APBB2: variants seen among roughly 807,000 people sequenced by gnomAD.
APBB2 encodes the protein Fe65-like 1.
In APBB2, 38 loss-of-function variants were observed where a neutral mutation model predicts 82.5. That is an observed-to-expected ratio of 0.46 (90% CI 0.36 to 0.60). APBB2 has a LOEUF of 0.60. Among genes scored for constraint, APBB2 ranks in the 20% least tolerant of loss-of-function variants. The pLI, the probability that APBB2 is intolerant of heterozygous loss-of-function variation, is 0.00. For synonymous variants in APBB2, 341 were observed against 368.2 expected (o/e 0.93, Z 0.85); for missense variants, 772 against 972.3 (o/e 0.79, Z 2.74).
At chr4:41,013,189 TA>T in intron 6 of APBB2, among the ~76,000 whole-genome samples, 1 of 152,324 alleles carries the variant, frequency 6.6e-6, no homozygotes, top group Non-Finnish European at 1.5e-5. Flanking sequence ...TTAATTGGGT[TA>T]TATCCTTCCC....
intron 2 of APBB2, among the ~76,000 whole-genome samples, chr4:41,117,752 C>T (rs1054884330): frequency 4.6e-5 from 7 of 152,130 alleles, no homozygotes; most frequent in Non-Finnish European, 7.4e-5. Flanking sequence ...TCATTTGCAC[C>T]ATGGCTTGAT....
intron 5 of APBB2, among the ~76,000 whole-genome samples, chr4:41,016,401 C>T (rs1246766011): frequency 6.6e-6 from 1 of 152,202 alleles, no homozygotes; most frequent in African/African-American, 2.4e-5. Context: ...GTGGCTCACG[C>T]CTGTAATCCC....
intron 2 of APBB2, among the ~76,000 whole-genome samples, chr4:41,115,696 C>T (rs540989508): frequency 6.6e-6 from 1 of 152,214 alleles, no homozygotes; most frequent in Admixed American, 6.5e-5. Context: ...TTTATGCAGC[C>T]AACAAACATA....
rs977567202 is a variant in APBB2, at chr4:41,033,229, A to G, written c.19+7T>C. ...TCTGCATTGAAATATGAGAAAATGTATCTGACCTGGAAGTACTTCTGACAT... is the reference window on the plus strand; with the variant it reads ...TCTGCATTGAAATATGAGAAAATGTGTCTGACCTGGAAGTACTTCTGACAT... On this transcript the variant is annotated splice_region_variant and intron_variant, in intron 5 of 17. Coordinates refer to ENST00000508593, the MANE Select transcript of APBB2 (RefSeq NM_004307.2). 2 of 1,560,576 alleles carry G rather than the reference A, an allele frequency of 1.3e-6. No individual in the cohort carries two copies. Among genetic ancestry groups the G allele is most frequent in the Non-Finnish European group, 1.8e-6 (2 of 1,134,072 alleles).
At chr4:40,859,308 CAG>C (rs1181078769) in intron 12 of APBB2, among the ~76,000 whole-genome samples, 3 of 148,074 alleles carry the variant, frequency 2.0e-5, no homozygotes, top group Admixed American at 2.0e-4. Context: ...TTTTTTGAGA[CAG>C]TGTCTCACTA....
intron 4 of APBB2, among the ~76,000 whole-genome samples, chr4:41,057,026 C>CA (rs1385155913): frequency 6.6e-6 from 1 of 152,028 alleles, no homozygotes; most frequent in Non-Finnish European, 1.5e-5. Flanking sequence ...TCAACTTTCC[C>CA]AAAAATTGGA....
chr4:41,198,303 C>G, intron 1 of APBB2, among the ~76,000 whole-genome samples: 2 of 152,188 alleles, frequency 1.3e-5, no homozygotes, highest in African/African-American at 4.8e-5. Flanking sequence ...AGCAGGGATC[C>G]TGTCTGCCTG....
chr4:41,124,037 A>G (rs1753669189), intron 2 of APBB2, among the ~76,000 whole-genome samples: 1 of 152,150 alleles, frequency 6.6e-6, no homozygotes, highest in Non-Finnish European at 1.5e-5. Context: ...GTGCTGCCTC[A>G]GCAGGAAGAA....
chr4:41,067,304 G>A (rs1732244449), intron 3 of APBB2, among the ~76,000 whole-genome samples: 4 of 152,056 alleles, frequency 2.6e-5, no homozygotes. Flanking sequence ...AGCTACTCAG[G>A]AGGCTGAGGC....
chr4:40,873,410 A>G (rs2154341802), intron 12 of APBB2, among the ~76,000 whole-genome samples: 1 of 152,348 alleles, frequency 6.6e-6, no homozygotes, highest in Non-Finnish European at 1.5e-5. Flanking sequence ...ATCTTTCTTA[A>G]TAAATAACTT....
At chr4:40,928,350 A>G (rs1783166511) in intron 10 of APBB2, among the ~76,000 whole-genome samples, 1 of 148,526 alleles carries the variant, frequency 6.7e-6, no homozygotes, top group South Asian at 2.2e-4. Context: ...CAAGACCAGC[A>G]TGACCAACAT....
At chr4:41,061,067 CAGTT>C (rs1318899708) in intron 4 of APBB2, among the ~76,000 whole-genome samples, 1 of 152,088 alleles carries the variant, frequency 6.6e-6, no homozygotes, top group South Asian at 2.1e-4. Context: ...AGCCATGCCT[CAGTT>C]AGATTCATTT....
intron 4 of APBB2, among the ~76,000 whole-genome samples, chr4:41,054,660 T>G (rs970741646): frequency 6.6e-6 from 1 of 152,140 alleles, no homozygotes; most frequent in Non-Finnish European, 1.5e-5. Flanking sequence ...GCTTAATCTT[T>G]TAAGTTCATA....
At chr4:41,085,634 TA>T (rs1163834369) in intron 3 of APBB2, among the ~76,000 whole-genome samples, 2 of 151,948 alleles carry the variant, frequency 1.3e-5, no homozygotes, top group Non-Finnish European at 2.9e-5. Flanking sequence ...ATGCAACAAA[TA>T]ATAAGAACAA....
intron 6 of APBB2, among the ~76,000 whole-genome samples, chr4:41,000,675 G>A (rs1255688314): frequency 6.6e-6 from 1 of 152,138 alleles, no homozygotes; most frequent in African/African-American, 2.4e-5. Flanking sequence ...GCATATAAGA[G>A]ACATTCATGG....
intron 12 of APBB2, among the ~76,000 whole-genome samples, chr4:40,853,453 CCTT>C (rs1382899565): frequency 6.7e-6 from 1 of 149,546 alleles, no homozygotes; most frequent in Non-Finnish European, 1.5e-5. Context: ...TCAGTGCTTT[CCTT>C]CTTTTTTTTT....
chr4:41,112,790 C>A (rs866857550), intron 2 of APBB2, among the ~76,000 whole-genome samples: 1 of 152,114 alleles, frequency 6.6e-6, no homozygotes, highest in Non-Finnish European at 1.5e-5. Flanking sequence ...GAGTTCGAGA[C>A]CAGCCTGACC....
chr4:40,882,995 T>C (rs980956678), intron 12 of APBB2, among the ~76,000 whole-genome samples: 1 of 152,116 alleles, frequency 6.6e-6, no homozygotes, highest in Non-Finnish European at 1.5e-5. Flanking sequence ...TGTGTTTAAC[T>C]TGGAGACAAG....
intron 10 of APBB2, among the ~76,000 whole-genome samples, chr4:40,933,017 A>T (rs1784590357): frequency 6.6e-6 from 1 of 152,094 alleles, no homozygotes. Context: ...GCATGTGCCA[A>T]CAAGCCTGGC....
Sources: gnomAD v4.1 joint callset for allele counts (sites outside exome capture counted in the v4.1 genomes callset) on GRCh38, gnomAD v4.1.1 for gene constraint, MANE v1.5 for transcripts, NCBI Gene and HGNC (gene_info 2026-07-23, HGNC 2026-07-21) for gene names.